The following IMMT variants were observed in gnomAD, a reference collection of about 807,000 sequenced individuals.
The protein encoded by IMMT is inner membrane mitochondrial protein, also known as MICOS complex subunit MIC60.
A neutral mutation model predicts 92.7 loss-of-function variants in IMMT; 40 were observed. The observed-to-expected ratio is 0.43, with a 90% confidence interval of 0.34 to 0.56. The LOEUF is 0.56. Ranked by LOEUF, IMMT falls within the 20% of genes least tolerant of loss-of-function variation. The pLI, the probability that IMMT is intolerant of heterozygous loss-of-function variation, is 0.03. For missense variants in IMMT, 831 were observed against 912.1 expected, an observed-to-expected ratio of 0.91 and a Z score of 1.14; for synonymous variants, 322 against 336.1, an observed-to-expected ratio of 0.96 and a Z score of 0.46.
At position 86,179,628 on chromosome 2, in the gene IMMT, T is replaced by G. The variant is rs1677689320; in HGVS notation, c.120-6A>C. 6.3e-7 allele frequency: 1 copy of G among 1,583,228 alleles called. No individual in the cohort carries two copies. The highest frequency in any genetic ancestry group is 8.6e-7 in the Non-Finnish European group (1 of 1,169,278). On this transcript the variant is annotated splice_polypyrimidine_tract_variant and splice_region_variant and intron_variant, in intron 2 of 14. Coordinates refer to ENST00000410111, the MANE Select transcript of IMMT (RefSeq NM_006839.3). Reference sequence around the variant, plus strand: ...CAATTTTGCCAGTAGTCAACCTAAGTGAAAGAAACAGGAAATACATTTATA... The same window carrying G: ...CAATTTTGCCAGTAGTCAACCTAAGGGAAAGAAACAGGAAATACATTTATA...
At chr2:86,165,711 G>GA (rs1426499920) in intron 7 of IMMT, among the ~76,000 whole-genome samples, 3 of 151,640 alleles carry the variant, frequency 2.0e-5, no homozygotes, top group Non-Finnish European at 4.4e-5. Context: ...ATTAAATTTT[G>GA]AAAAATCAAT....
intron 8 of IMMT, among the ~76,000 whole-genome samples, chr2:86,161,195 G>A (rs576195535): frequency 6.6e-5 from 10 of 151,900 alleles, no homozygotes; most frequent in African/African-American, 2.2e-4. Context: ...TCGCTCTGTC[G>A]CCCAGGCTCA....
At chr2:86,179,901 C>T (rs1331758806) in intron 2 of IMMT, among the ~76,000 whole-genome samples, 1 of 142,242 alleles carries the variant, frequency 7.0e-6, no homozygotes, top group East Asian at 2.0e-4. Context: ...CACAGTAAGG[C>T]CCCATCTCTA....
chr2:86,150,295 C>T (rs1675369764), intron 12 of IMMT, among the ~76,000 whole-genome samples: 1 of 152,144 alleles, frequency 6.6e-6, no homozygotes, highest in Admixed American at 6.6e-5. Flanking sequence ...ATTTAAACTT[C>T]CAAGTCACGG....
chr2:86,186,581 A>T (rs927869673), intron 1 of IMMT, among the ~76,000 whole-genome samples: 1 of 152,190 alleles, frequency 6.6e-6, no homozygotes, highest in Non-Finnish European at 1.5e-5. Flanking sequence ...AGTGTATGGA[A>T]GTCCAGACAC....
At chr2:86,151,211 C>T in intron 12 of IMMT, 86 bp downstream of exon 12, 1 of 1,183,900 alleles carries the variant, frequency 8.4e-7, no homozygotes, top group Non-Finnish European at 1.2e-6. Context: ...AACCACTGCA[C>T]CCGGCTGAGC....
rs571343895 is a variant in IMMT, at chr2:86,195,151, C to T, written c.45+187G>A. 2.5e-4 allele frequency: 140 copies of T among 561,250 alleles called. 1 individual carries two copies. The highest frequency in any genetic ancestry group is 5.9e-4 in the African/African-American group (30 of 50,528). The allele number at this position is 561,250 out of a possible 1,614,324, so 34.8% of individuals were successfully genotyped here. A position where few individuals can be genotyped will look rare whatever the true frequency, so the allele number is the denominator to read the frequency against. ...CACCCCACCCCGCTGCTGCAATAAC[C>T]TCAAGTCATCCCAGTCCGGCGAACT... On this transcript the variant is annotated intron_variant, in intron 1 of 14. Coordinates refer to ENST00000410111, the MANE Select transcript of IMMT (RefSeq NM_006839.3).
At chr2:86,173,572 C>T (rs1677244136) in intron 4 of IMMT, 78 bp downstream of exon 4, 1 of 854,272 alleles carries the variant, frequency 1.2e-6, no homozygotes, top group Non-Finnish European at 1.9e-6. Flanking sequence ...AAGAGCGAAA[C>T]TCCATCTCAA....
At chr2:86,154,396 C>T (rs924758330) in intron 10 of IMMT, among the ~76,000 whole-genome samples, 1 of 152,006 alleles carries the variant, frequency 6.6e-6, no homozygotes, top group African/African-American at 2.4e-5. Context: ...GTCTCAAACT[C>T]CTGACCTCAA....
chr2:86,165,574 C>T (rs1217727099), intron 7 of IMMT, among the ~76,000 whole-genome samples: 1 of 152,094 alleles, frequency 6.6e-6, no homozygotes, highest in Non-Finnish European at 1.5e-5. Context: ...ATGTATGATC[C>T]TGATCCTTAA....
intron 7 of IMMT, among the ~76,000 whole-genome samples, chr2:86,166,199 C>T (rs191421625): frequency 2.0e-5 from 3 of 152,164 alleles, no homozygotes; most frequent in East Asian, 1.9e-4. Context: ...GGTATGGTGG[C>T]GGGAGCCTGT....
chr2:86,193,516 T>C (rs574782355), intron 1 of IMMT, among the ~76,000 whole-genome samples: 1 of 152,130 alleles, frequency 6.6e-6, no homozygotes, highest in Non-Finnish European at 1.5e-5. Context: ...GAGAGTCACC[T>C]GCTTGGGGAT....
At chr2:86,177,555 C>T (rs1167864828) in intron 3 of IMMT, among the ~76,000 whole-genome samples, 1 of 151,618 alleles carries the variant, frequency 6.6e-6, no homozygotes, top group African/African-American at 2.4e-5. Context: ...GATCCGAGAT[C>T]GCGCCACTGC....
intron 10 of IMMT, among the ~76,000 whole-genome samples, chr2:86,156,156 T>C (rs1675840384): frequency 6.6e-6 from 1 of 152,172 alleles, no homozygotes; most frequent in South Asian, 2.1e-4. Flanking sequence ...GCATGATGTT[T>C]AGCAGCACGT....
At chr2:86,174,667 A>G (rs566699631) in intron 3 of IMMT, among the ~76,000 whole-genome samples, 2 of 152,304 alleles carry the variant, frequency 1.3e-5, no homozygotes, top group South Asian at 2.1e-4. Context: ...GTATATACAC[A>G]TAAACAATGT....
chr2:86,182,222 C>T (rs1372758566), intron 1 of IMMT, among the ~76,000 whole-genome samples: 1 of 152,116 alleles, frequency 6.6e-6, no homozygotes, highest in African/African-American at 2.4e-5. Flanking sequence ...TTATCAAATC[C>T]ATAAAAGTAT....
At chr2:86,146,292 A>G (rs1675003643) in intron 13 of IMMT, 95 bp from the exon 14 acceptor site, 1 of 1,023,636 alleles carries the variant, frequency 9.8e-7, no homozygotes, top group Non-Finnish European at 1.4e-6. Context: ...TGAAGCAAAG[A>G]GGGCCTTAGA....
intron 1 of IMMT, among the ~76,000 whole-genome samples, chr2:86,192,677 A>T (rs983267253): frequency 2.6e-5 from 4 of 152,202 alleles, no homozygotes. Context: ...AGTATAACAA[A>T]GTAGGATGGG....
intron 14 of IMMT, among the ~76,000 whole-genome samples, 172 bp downstream of exon 14, chr2:86,145,896 C>G (rs1025648598): frequency 2.6e-5 from 4 of 152,134 alleles, no homozygotes; most frequent in African/African-American, 9.7e-5. Context: ...GTATAAATTT[C>G]TAGTTATATA....
Sources: allele counts gnomAD v4.1 joint callset (sites outside exome capture counted in the v4.1 genomes callset), GRCh38; gene constraint gnomAD v4.1.1; transcripts MANE v1.5; gene names NCBI Gene and HGNC (gene_info 2026-07-23, HGNC 2026-07-21).